Variants in MID2 observed in about 807,000 individuals in gnomAD.
The protein encoded by MID2 is probable E3 ubiquitin-protein ligase MID2.
MID2 carries 13 observed loss-of-function variants against 46.1 expected under a neutral mutation model. The ratio of observed to expected loss-of-function variants is 0.28; its 90% CI spans 0.18 to 0.45. The LOEUF (loss-of-function observed/expected upper bound fraction) is 0.45, where lower values mean the gene tolerates loss of function less well. MID2 is among the 20% of genes least tolerant of loss of function. The pLI is 1.00. For missense variants in MID2, 431 were observed against 575.4 expected (o/e 0.75, Z 2.57); for synonymous variants, 199 against 212.3 (o/e 0.94, Z 0.55).
At chrX:107,871,405 T>C (rs1932065067) in intron 3 of MID2, among the ~76,000 whole-genome samples, 1 of 111,356 alleles carries the variant, frequency 9.0e-6, no homozygotes, top group African/African-American at 3.3e-5. Context: ...GGAGCGAAAC[T>C]GTGCTTCCCC....
chrX:107,903,932 T>C (rs1602497630), intron 3 of MID2, 26 bp from the exon 4 acceptor site: 1 of 1,077,476 alleles, frequency 9.3e-7, no homozygotes, highest in African/African-American at 1.8e-5. Flanking sequence ...ACAATCACTG[T>C]GTAATACTCT....
intron 6 of MID2, among the ~76,000 whole-genome samples, chrX:107,916,896 C>T (rs1286609800): frequency 1.8e-5 from 2 of 112,427 alleles, no homozygotes; most frequent in Non-Finnish European, 3.8e-5. Context: ...ATCCCAGCAC[C>T]TTGGGAGGCC....
rs781132104 is a variant in MID2, at chrX:107,917,523, A to C, written c.1219A>C (p.Ile407Leu). 1 of 1,209,952 alleles carries C rather than the reference A, an allele frequency of 8.3e-7. No individual in the cohort carries two copies. Among genetic ancestry groups the C allele is most frequent in the Non-Finnish European group, 1.1e-6 (1 of 894,018 alleles). Residue 407 changes from isoleucine to leucine, a missense_variant, in exon 7 of 10, where the codon ATC (isoleucine) becomes CTC (leucine). Ile to Leu is a conservative substitution (Grantham distance 5). Transcript: ENST00000262843. The stretch of plus-strand genomic sequence containing the variant: ...CCTTACAGCCCCAAACCCACCATCT[A>C]TCCGAGAAGAACTCTGTACTGCCTC... ...DYLTAPNPPS[I>L]REELCTASHD...
chrX:107,883,964 T>A (rs1352772949), intron 3 of MID2, among the ~76,000 whole-genome samples: 2 of 112,634 alleles, frequency 1.8e-5, no homozygotes, highest in African/African-American at 6.4e-5. Flanking sequence ...ACTATCCAAA[T>A]AAGGACGACT....
At chrX:107,866,420 AAAAC>A (rs1329892936) in intron 3 of MID2, among the ~76,000 whole-genome samples, 2 of 74,839 alleles carry the variant, frequency 2.7e-5, no homozygotes, top group Non-Finnish European at 5.0e-5. Flanking sequence ...AAAGCCACTG[AAAAC>A]ACACACACAC....
At chrX:107,911,989 A>G (rs1932902630) in intron 5 of MID2, among the ~76,000 whole-genome samples, 1 of 111,713 alleles carries the variant, frequency 9.0e-6, no homozygotes, top group Non-Finnish European at 1.9e-5. Context: ...CAGAAAGTAA[A>G]ACTCACATAT....
At chrX:107,921,539 C>T (rs914077903) in intron 7 of MID2, among the ~76,000 whole-genome samples, 7 of 111,360 alleles carry the variant, frequency 6.3e-5, no homozygotes, top group African/African-American at 2.3e-4. Flanking sequence ...GTTGATGATA[C>T]TTGCCTGAAT....
At chrX:107,900,456 T>A (rs1334543946) in intron 3 of MID2, among the ~76,000 whole-genome samples, 1 of 111,119 alleles carries the variant, frequency 9.0e-6, no homozygotes, top group Non-Finnish European at 1.9e-5. Context: ...CTATTACTGA[T>A]ATTCTCCTTG....
In MID2 at chrX:107,841,068, G is replaced by A. The variant is rs767853875; in HGVS notation, c.403G>A (p.Glu135Lys). 3.3e-6 allele frequency: 4 copies of A among 1,209,491 alleles called. No homozygotes were observed. The highest frequency in any genetic ancestry group is 4.5e-6 in the Non-Finnish European group (4 of 895,156). ...TYRPTTAMSS[E>K]RIACQFCEQD... ...CAGGCCCACCACTGCCATGTCTAGC[G>A]AGCGAATTGCTTGCCAATTCTGTGA... The change falls in exon 2 of 10, where the codon GAG becomes AAG. Residue 135 changes from glutamate (E) to lysine (K), a missense_variant. By Grantham distance (56) the Glu-to-Lys change is moderately conservative. Coordinates refer to ENST00000262843, the MANE Select transcript of MID2 (RefSeq NM_012216.4).
At position 107,926,955 on chromosome X, in the gene MID2, C is replaced by G; in HGVS notation, c.2090C>G (p.Ser697Cys). 8.3e-7 allele frequency: 1 copy of G among 1,211,175 alleles called. No homozygotes were observed. The highest frequency in any genetic ancestry group is 1.1e-6 in the Non-Finnish European group (1 of 895,023). The change falls in exon 10 of 10, where the codon TCC (serine) becomes TGC (cysteine). Residue 697 changes from serine (S) to cysteine (C), a missense_variant. By Grantham distance (112) the Ser-to-Cys change is moderately radical (BLOSUM62 -1). Transcript: ENST00000262843. ...CCAACATTTACAATCTGGAACAAATCCCTAATGATCCTGTCTGGCTTGCCT... is the reference window on the plus strand; with the variant it reads ...CCAACATTTACAATCTGGAACAAATGCCTAATGATCCTGTCTGGCTTGCCT... The part of the protein sequence containing the change: ...VCPTFTIWNK[S>C]LMILSGLPAP...
intron 3 of MID2, among the ~76,000 whole-genome samples, chrX:107,855,325 A>G (rs1381033311): frequency 1.8e-5 from 2 of 112,078 alleles, no homozygotes; most frequent in East Asian, 5.5e-4. Flanking sequence ...TCTACATCAA[A>G]TCTTAGAGCA....
chrX:107,826,502 C>T, intron 1 of MID2, 72 bp downstream of exon 1: 2 of 1,082,365 alleles, frequency 1.8e-6, no homozygotes, highest in South Asian at 2.2e-5. Flanking sequence ...TCTCCGGCTC[C>T]GGCCGCTTTT....
chrX:107,833,429 AT>A (rs1192153525), intron 1 of MID2, among the ~76,000 whole-genome samples: 5 of 104,412 alleles, frequency 4.8e-5, no homozygotes, highest in African/African-American at 1.8e-4. Flanking sequence ...ATATATATAT[AT>A]TTTTTTTAAA....
rs145397838 is a variant in MID2 at position 107,841,155 on chromosome X, C to G, written c.490C>G (p.Arg164Gly). The change falls in exon 2 of 10, where the codon CGT becomes GGT. Residue 164 changes from arginine (R) to glycine (G), a missense_variant. Coordinates refer to ENST00000262843, the MANE Select transcript of MID2 (RefSeq NM_012216.4). ...CITCEVSYCD[R>G]CLRATHPNKK... is the part of the protein sequence containing the mutation. Reference sequence around the variant, plus strand: ...CACCTGTGAGGTCTCCTACTGTGACCGTTGCCTGCGGGCCACGCACCCCAA... The same window carrying G: ...CACCTGTGAGGTCTCCTACTGTGACGGTTGCCTGCGGGCCACGCACCCCAA... 9.5e-5 allele frequency: 115 copies of G among 1,209,243 alleles called. No individual in the cohort carries two copies. Among genetic ancestry groups the G allele is most frequent in the Non-Finnish European group, 1.2e-4 (110 of 894,967 alleles).
At chrX:107,859,639 C>T (rs774084745) in intron 3 of MID2, among the ~76,000 whole-genome samples, 4 of 112,344 alleles carry the variant, frequency 3.6e-5, no homozygotes, top group Non-Finnish European at 5.6e-5. Flanking sequence ...AATGTAAATG[C>T]GTGATGACAA....
At chrX:107,912,854 G>T (rs985261242) in intron 5 of MID2, among the ~76,000 whole-genome samples, 1 of 110,781 alleles carries the variant, frequency 9.0e-6, no homozygotes, top group Non-Finnish European at 1.9e-5. Flanking sequence ...CTCCCACAGG[G>T]TCTGAAATTT....
intron 3 of MID2, among the ~76,000 whole-genome samples, chrX:107,900,694 T>A (rs1009536500): frequency 8.9e-6 from 1 of 112,343 alleles, no homozygotes; most frequent in African/African-American, 3.2e-5. Flanking sequence ...CACACCTTTT[T>A]AATCTAAGTC....
chrX:107,840,242 A>C (rs981536116), intron 1 of MID2, among the ~76,000 whole-genome samples: 1 of 110,425 alleles, frequency 9.1e-6, no homozygotes, highest in Non-Finnish European at 1.9e-5. Flanking sequence ...ACTGGATGTC[A>C]CATAGAAGCA....
intron 3 of MID2, among the ~76,000 whole-genome samples, chrX:107,868,071 T>A (rs1656447309): frequency 8.9e-6 from 1 of 111,930 alleles, no homozygotes; most frequent in Non-Finnish European, 1.9e-5. Flanking sequence ...TTCTGTAAAT[T>A]TACTAAAATT....
Sources: gnomAD v4.1 joint callset for allele counts (sites outside exome capture counted in the v4.1 genomes callset) on GRCh38, gnomAD v4.1.1 for gene constraint, MANE v1.5 for transcripts, NCBI Gene and HGNC (gene_info 2026-07-23, HGNC 2026-07-21) for gene names.